DNAH17: variants seen among roughly 807,000 people sequenced by gnomAD.
The protein encoded by DNAH17 is axonemal beta dynein heavy chain 17.
Under a neutral mutation model 485.6 loss-of-function variants are expected in DNAH17, and 376 were observed. That is an observed-to-expected ratio of 0.77 (90% CI 0.71 to 0.84). DNAH17 has a LOEUF of 0.84. Ranked by LOEUF, DNAH17 falls within the 40% of genes least tolerant of loss-of-function variation. The pLI, the probability that DNAH17 is intolerant of heterozygous loss-of-function variation, is 0.00. For missense variants in DNAH17, 6,370 were observed against 5,839.3 expected, an observed-to-expected ratio of 1.09 and a Z score of -2.96; for synonymous variants, 3,031 against 2,405.9, an observed-to-expected ratio of 1.26 and a Z score of -7.60.
chr17:78,430,475 G>A (rs140275372), intron 75 of DNAH17, among the ~76,000 whole-genome samples: 63 of 152,304 alleles, frequency 4.1e-4, no homozygotes, highest in Middle Eastern at 6.8e-3. Flanking sequence ...TGCGCTGGCC[G>A]GAAGAGCTGT....
Position 78,454,486 on chromosome 17 carries a change from G to A in DNAH17, c.10390C>T (p.Arg3464Cys), listed in dbSNP as rs371338775. The A allele has an allele frequency of 3.5e-5, 56 of 1,612,646 alleles. No homozygotes were observed. Among genetic ancestry groups the A allele is most frequent in the Admixed American group, 1.7e-4 (10 of 59,922 alleles). Residue 3464 changes from arginine (R) to cysteine (C), a missense_variant, in exon 64 of 81, where the codon CGC becomes TGC. Physicochemically the swap from Arg to Cys is radical, Grantham distance 180 (BLOSUM62 -3). Coordinates refer to ENST00000389840, the MANE Select transcript of DNAH17 (RefSeq NM_173628.4). ...NKYRSELKAI[R>C]LGQKSYLDVI... ...CGCACACACCTCTTCTGTCCCAGGC[G>A]GATGGCTTTCAGTTCACTCCTGTAT...
At chr17:78,488,200 A>G (rs938176704) in intron 44 of DNAH17, among the ~76,000 whole-genome samples, 2 of 152,092 alleles carry the variant, frequency 1.3e-5, no homozygotes, top group Admixed American at 1.3e-4. Flanking sequence ...GCCCCAGGAG[A>G]GACACATGCT....
intron 56 of DNAH17, among the ~76,000 whole-genome samples, chr17:78,465,812 G>T (rs926294337): frequency 2.0e-5 from 3 of 149,500 alleles, no homozygotes; most frequent in Non-Finnish European, 4.4e-5. Context: ...GGAGGTGGGG[G>T]GTCAGCCCCC....
rs1032045943 is a variant in DNAH17, at chr17:78,501,212, G to A, written c.5455C>T (p.Arg1819Trp). The A allele has an allele frequency of 5.0e-6, 8 of 1,592,944 alleles. No homozygotes were observed. The highest frequency in any genetic ancestry group is 3.4e-5 in the South Asian group (3 of 88,828). ...TCAGTGAGTGGGGTGATGACCAGCCGCGGCGTGTTGCCCAGATACTCATAG... is the reference window on the plus strand; with the variant it reads ...TCAGTGAGTGGGGTGATGACCAGCCACGGCGTGTTGCCCAGATACTCATAG... ...YSYEYLGNTP[R>W]LVITPLTDRC... The change falls in exon 35 of 81, where the codon CGG (arginine) becomes TGG (tryptophan). Residue 1819 changes from arginine (R) to tryptophan (W), a missense_variant. Physicochemically the swap from Arg to Trp is moderately radical, Grantham distance 101. Coordinates refer to ENST00000389840, the MANE Select transcript of DNAH17 (RefSeq NM_173628.4).
At chr17:78,547,931 G>C (rs1031966669) in intron 16 of DNAH17, among the ~76,000 whole-genome samples, 1 of 152,064 alleles carries the variant, frequency 6.6e-6, no homozygotes, top group African/African-American at 2.4e-5. Flanking sequence ...TACTTCTTTA[G>C]TAACAACTAT....
Position 78,427,054 on chromosome 17 carries a change from C to T in DNAH17, c.12643G>A (p.Ala4215Thr), listed in dbSNP as rs1014639739. ...LEKIPETFNM[A>T]EIMAKAAEKT... Reference sequence around the variant, plus strand: ...TCCGCTGCCTTTGCCATGATCTCAGCCATGTTGAAAGTCTCCGGAATCTTC... The same window carrying T: ...TCCGCTGCCTTTGCCATGATCTCAGTCATGTTGAAAGTCTCCGGAATCTTC... Residue 4215 changes from alanine (A) to threonine (T), a missense_variant, in exon 78 of 81, where the codon GCT becomes ACT. Ala to Thr is a moderately conservative substitution (Grantham distance 58, BLOSUM62 0). Coordinates refer to ENST00000389840, the MANE Select transcript of DNAH17 (RefSeq NM_173628.4). The T allele has an allele frequency of 1.3e-6, 2 of 1,599,612 alleles. No homozygotes were observed. Among genetic ancestry groups the T allele is most frequent in the African/African-American group, 2.7e-5 (2 of 74,758 alleles).
chr17:78,478,232 TCACCAC>T (rs201525492), intron 51 of DNAH17, among the ~76,000 whole-genome samples: 6 of 58,830 alleles, frequency 1.0e-4, no homozygotes, highest in African/African-American at 2.1e-4. Flanking sequence ...CACATCACCA[TCACCAC>T]CATCATCACC....
At chr17:78,510,331 G>C in intron 27 of DNAH17, 53 bp downstream of exon 27, 1 of 1,591,988 alleles carries the variant, frequency 6.3e-7, no homozygotes, top group Admixed American at 1.7e-5. Flanking sequence ...GTTGGAGGGG[G>C]CAGTTTCAGG....
At position 78,472,842 on chromosome 17, in the gene DNAH17, C is replaced by A. The variant is rs1184084834; in HGVS notation, c.8511+2436G>T. Reference sequence around the variant, plus strand: ...TGTGCCCCAGCTCCACCCAGGTCACCCTTCAGCAGTTTCTGTGCTTTCAAA... The same window carrying A: ...TGTGCCCCAGCTCCACCCAGGTCACACTTCAGCAGTTTCTGTGCTTTCAAA... On this transcript the variant is annotated intron_variant, in intron 54 of 80. Coordinates refer to ENST00000389840, the MANE Select transcript of DNAH17 (RefSeq NM_173628.4). The A allele has an allele frequency of 9.5e-6, 4 of 419,698 alleles. No homozygotes were observed. The Admixed American group carries it at 1.0e-4, about 11-fold the overall frequency. The allele number at this position is 419,698 out of a possible 1,614,324, so 26.0% of individuals were successfully genotyped here.
chr17:78,559,600 G>A (rs1052998684), intron 13 of DNAH17, among the ~76,000 whole-genome samples: 4 of 152,178 alleles, frequency 2.6e-5, no homozygotes, highest in South Asian at 2.1e-4. Flanking sequence ...TGATTTTCCT[G>A]CTCTTTCCTC....
chr17:78,441,685 G>A (rs757518567), intron 71 of DNAH17, among the ~76,000 whole-genome samples: 1 of 152,142 alleles, frequency 6.6e-6, no homozygotes, highest in African/African-American at 2.4e-5. Flanking sequence ...TCCCATGGAG[G>A]ACCGAGTGAT....
intron 47 of DNAH17, 55 bp downstream of exon 47, chr17:78,485,495 A>C: frequency 6.6e-7 from 1 of 1,507,162 alleles, no homozygotes; most frequent in Non-Finnish European, 9.0e-7. Context: ...ACAGGAGGGA[A>C]CGGGGACTGG....
chr17:78,544,596 A>C (rs1490394978), intron 16 of DNAH17, among the ~76,000 whole-genome samples: 3 of 152,002 alleles, frequency 2.0e-5, no homozygotes, highest in African/African-American at 7.3e-5. Flanking sequence ...AGGTCAGGAG[A>C]TCGAGACCAT....
chr17:78,456,758 G>A (rs574132036), intron 62 of DNAH17, among the ~76,000 whole-genome samples: 1 of 152,320 alleles, frequency 6.6e-6, no homozygotes, highest in South Asian at 2.1e-4. Flanking sequence ...ACTTCCCAGT[G>A]ACCTAGAGAC....
Position 78,429,138 on chromosome 17 carries a change from G to A in DNAH17, c.12388C>T (p.Pro4130Ser). 1 of 1,613,506 alleles carries A rather than the reference G, an allele frequency of 6.2e-7. No homozygotes were observed. The highest frequency in any genetic ancestry group is 8.5e-7 in the Non-Finnish European group (1 of 1,179,802). The stretch of plus-strand genomic sequence containing the variant: ...ATCCTTACCTTGTAGTCCAGGTTGG[G>A]GGGGATCTGAAAGCCGGGGGCCAGC... ...VLLAPGFQIP[P>S]NLDYKGYHEY... The change falls in exon 76 of 81, where the codon CCC (proline) becomes TCC (serine). Residue 4130 changes from proline to serine, a missense_variant. Pro to Ser is a moderately conservative substitution (Grantham distance 74, BLOSUM62 -1). Coordinates refer to ENST00000389840, the MANE Select transcript of DNAH17 (RefSeq NM_173628.4).
intron 74 of DNAH17, among the ~76,000 whole-genome samples, chr17:78,434,703 CTTTT>C (rs1555650928): frequency 2.0e-5 from 3 of 152,032 alleles, no homozygotes; most frequent in Non-Finnish European, 4.4e-5. Flanking sequence ...CAAACCCTTT[CTTTT>C]TATCTGGCTC....
At chr17:78,453,191 G>A (rs962357105) in intron 65 of DNAH17, among the ~76,000 whole-genome samples, 152 bp downstream of exon 65, 1 of 152,178 alleles carries the variant, frequency 6.6e-6, no homozygotes, top group African/African-American at 2.4e-5. Context: ...GGAGCTGGGG[G>A]TTCCTTCCCA....
In DNAH17 at chr17:78,571,774, G is replaced by A. The variant is rs752273577; in HGVS notation, c.548C>T (p.Ser183Phe). The A allele has an allele frequency of 1.9e-6, 3 of 1,588,438 alleles. No individual in the cohort carries two copies. The highest frequency in any genetic ancestry group is 1.2e-5 in the South Asian group (1 of 85,986). The change falls in exon 4 of 81, where the codon TCT becomes TTT. Residue 183 changes from serine (S) to phenylalanine (F), a missense_variant. Coordinates refer to ENST00000389840, the MANE Select transcript of DNAH17 (RefSeq NM_173628.4). Reference protein sequence around the residue: ...GTLESMERIPSSLDNLLLHAI... With the variant: ...GTLESMERIPFSLDNLLLHAI... ...GTGCAGGAGCAAGTTGTCCAGTGAA[G>A]AGGGGATCCTGCCCAGTGGAAGGTT...
chr17:78,449,001 A>C (rs1420406885), intron 69 of DNAH17, among the ~76,000 whole-genome samples: 15 of 152,246 alleles, frequency 9.9e-5, no homozygotes. Flanking sequence ...AGATCTTTAA[A>C]TATTTTAGCA....
Sources: allele counts gnomAD v4.1 joint callset (sites outside exome capture counted in the v4.1 genomes callset), GRCh38; gene constraint gnomAD v4.1.1; transcripts MANE v1.5; gene names NCBI Gene and HGNC (gene_info 2026-07-23, HGNC 2026-07-21).